The following PSD3 variants were observed in gnomAD, a reference collection of about 807,000 sequenced individuals.
PSD3 encodes pleckstrin and Sec7 domain containing 3, also known as PH and SEC7 domain-containing protein 3.
In PSD3, 49 loss-of-function variants were observed where a neutral mutation model predicts 105.5. The observed-to-expected ratio is 0.46, with a 90% CI of 0.37 to 0.59. The LOEUF is 0.59. Among genes scored for constraint, PSD3 ranks in the 20% least tolerant of loss-of-function variants. The pLI, the probability that PSD3 is intolerant of heterozygous loss-of-function variation, is 0.00. For missense variants in PSD3, 1,561 were observed against 1,263.8 expected (o/e 1.24, Z -3.57); for synonymous variants, 557 against 457.8 (o/e 1.22, Z -2.77).
chr8:18,731,702 TA>T (rs2129431448), intron 9 of PSD3, among the ~76,000 whole-genome samples: 1 of 152,332 alleles, frequency 6.6e-6, no homozygotes, highest in East Asian at 1.9e-4. Context: ...CTCAGGAAAT[TA>T]AAAGTTGTAC....
rs367972166 is a variant in PSD3, at chr8:18,701,828, G to A, written c.2173-46143C>T. Among the ~76,000 whole-genome samples the A allele has an allele frequency of 6.4e-4, 97 of 152,226 alleles. 2 individuals are homozygous for A. The South Asian group carries it at 0.018, about 29-fold the overall frequency. On this transcript the variant is annotated intron_variant, in intron 9 of 15. Transcript: ENST00000327040. ...CTTTCCTGAGGGAGTAAAAATCTACGTACAAAGTAGAGATTTATGAACACT... is the reference window on the plus strand; with the variant it reads ...CTTTCCTGAGGGAGTAAAAATCTACATACAAAGTAGAGATTTATGAACACT...
At chr8:18,986,381 C>T (rs148999040) in intron 1 of PSD3, among the ~76,000 whole-genome samples, 1 of 152,152 alleles carries the variant, frequency 6.6e-6, no homozygotes, top group Non-Finnish European at 1.5e-5. Context: ...ATGAGTTGCA[C>T]TGTGTTTCTG....
At chr8:18,554,489 G>C (rs1800951631) in intron 15 of PSD3, among the ~76,000 whole-genome samples, 1 of 152,126 alleles carries the variant, frequency 6.6e-6, no homozygotes, top group African/African-American at 2.4e-5. Context: ...TCTTAGTAGA[G>C]TTCTCCGCCC....
intron 2 of PSD3, among the ~76,000 whole-genome samples, chr8:18,886,253 A>G (rs1037268226): frequency 6.6e-6 from 1 of 152,306 alleles, no homozygotes; most frequent in African/African-American, 2.4e-5. Context: ...TTTCTATATA[A>G]AAATAAAAAT....
chr8:18,614,539 A>AAC (rs1805513083), intron 11 of PSD3, among the ~76,000 whole-genome samples: 1 of 152,154 alleles, frequency 6.6e-6, no homozygotes, highest in African/African-American at 2.4e-5. Context: ...GGTATCAGTA[A>AAC]ACACCCAGGC....
At chr8:18,741,650 A>G (rs1488223098) in intron 9 of PSD3, among the ~76,000 whole-genome samples, 2 of 152,300 alleles carry the variant, frequency 1.3e-5, no homozygotes, top group East Asian at 3.9e-4. Flanking sequence ...GAAATGCAGT[A>G]TTTTAAAATC....
At chr8:18,903,743 C>T (rs550072807) in intron 2 of PSD3, among the ~76,000 whole-genome samples, 2 of 152,222 alleles carry the variant, frequency 1.3e-5, no homozygotes, top group Admixed American at 1.3e-4. Context: ...GGCACAGTTT[C>T]CCTAGGATGC....
chr8:18,721,989 A>G (rs1304274496), intron 9 of PSD3, among the ~76,000 whole-genome samples: 1 of 152,140 alleles, frequency 6.6e-6, no homozygotes, highest in African/African-American at 2.4e-5. Context: ...CTAACAACAC[A>G]TTTGAAAGCG....
At chr8:18,635,200 G>C (rs1807165907) in intron 10 of PSD3, among the ~76,000 whole-genome samples, 1 of 152,020 alleles carries the variant, frequency 6.6e-6, no homozygotes, top group Non-Finnish European at 1.5e-5. Context: ...TTTACTTTCA[G>C]GTACCACAGA....
chr8:18,770,490 A>G (rs1405681540), intron 8 of PSD3, among the ~76,000 whole-genome samples: 1 of 151,996 alleles, frequency 6.6e-6, no homozygotes, highest in Non-Finnish European at 1.5e-5. Context: ...TGACCCCTTC[A>G]TGGGCAGATA....
At chr8:18,745,429 T>C (rs1415844748) in intron 9 of PSD3, among the ~76,000 whole-genome samples, 4 of 152,238 alleles carry the variant, frequency 2.6e-5, no homozygotes, top group African/African-American at 7.2e-5. Flanking sequence ...TATCACTTTG[T>C]TGCTCAAATT....
chr8:19,052,147 T>A (rs1368367228), intron 1 of PSD3, among the ~76,000 whole-genome samples: 1 of 152,078 alleles, frequency 6.6e-6, no homozygotes, highest in Non-Finnish European at 1.5e-5. Context: ...GAAAAGCCAC[T>A]GTGGTGAGAA....
At chr8:18,792,535 C>T (rs1809816933) in intron 8 of PSD3, among the ~76,000 whole-genome samples, 5 of 152,034 alleles carry the variant, frequency 3.3e-5, no homozygotes, top group Admixed American at 3.3e-4. Flanking sequence ...ACACATGGGG[C>T]AGAACAGCTC....
At chr8:19,079,308 C>A (rs1169192208) in intron 1 of PSD3, among the ~76,000 whole-genome samples, 1 of 152,150 alleles carries the variant, frequency 6.6e-6, no homozygotes, top group African/African-American at 2.4e-5. Flanking sequence ...GCTTTTCAAT[C>A]CCATCAATAC....
chr8:18,863,507 C>A (rs1184950887), intron 4 of PSD3, among the ~76,000 whole-genome samples: 1 of 152,118 alleles, frequency 6.6e-6, no homozygotes, highest in African/African-American at 2.4e-5. Flanking sequence ...TGAGCTGTTT[C>A]CGGCTGACAT....
At chr8:18,738,880 T>G (rs998051129) in intron 9 of PSD3, among the ~76,000 whole-genome samples, 1 of 118,316 alleles carries the variant, frequency 8.5e-6, no homozygotes, top group East Asian at 2.5e-4. Flanking sequence ...TCAAAGAATA[T>G]TCTAGAAAAA....
At chr8:18,893,447 G>C (rs1818942204) in intron 2 of PSD3, among the ~76,000 whole-genome samples, 1 of 152,188 alleles carries the variant, frequency 6.6e-6, no homozygotes, top group African/African-American at 2.4e-5. Context: ...TTTCCAGCTA[G>C]CCTTTGGTTA....
At chr8:18,993,963 G>A (rs1290783546) in intron 1 of PSD3, among the ~76,000 whole-genome samples, 1 of 152,004 alleles carries the variant, frequency 6.6e-6, no homozygotes, top group Non-Finnish European at 1.5e-5. Flanking sequence ...TGAAGCAAAT[G>A]TATGTATCAC....
intron 12 of PSD3, among the ~76,000 whole-genome samples, chr8:18,578,009 G>C (rs1802567066): frequency 6.6e-6 from 1 of 151,938 alleles, no homozygotes. Flanking sequence ...TATAGAACTG[G>C]ATATAGAACA....
Sources: allele counts gnomAD v4.1 joint callset (sites outside exome capture counted in the v4.1 genomes callset), GRCh38; gene constraint gnomAD v4.1.1; transcripts MANE v1.5; gene names NCBI Gene and HGNC (gene_info 2026-07-23, HGNC 2026-07-21).